Variants in SEMA3G observed in about 807,000 individuals in gnomAD.
SEMA3G encodes the protein semaphorin 3G, also known as semaphorin-3G.
Under a neutral mutation model 86.2 loss-of-function variants are expected in SEMA3G, and 70 were observed. The observed-to-expected ratio is 0.81, with a 90% CI of 0.67 to 0.99. The LOEUF (loss-of-function observed/expected upper bound fraction) is 0.99, where lower values mean the gene tolerates loss of function less well. SEMA3G is among the 50% of genes least tolerant of loss of function. The pLI is 0.00. For synonymous variants in SEMA3G, 416 were observed against 441.4 expected (o/e 0.94, Z 0.72); for missense variants, 1,002 against 1,072.4 (o/e 0.93, Z 0.92).
rs1578254087 is a variant in SEMA3G at position 52,435,578 on chromosome 3, C to G, written c.*25G>C. On this transcript the variant is annotated 3_prime_UTR_variant, in exon 16 of 16. Coordinates refer to ENST00000231721, the MANE Select transcript of SEMA3G (RefSeq NM_020163.3). Reference sequence around the variant, plus strand: ...CTGCTAGTGGGCCCCCCAGCCCATCCTGACCACCCCTCCTCTGCCCCCTTC... The same window carrying G: ...CTGCTAGTGGGCCCCCCAGCCCATCGTGACCACCCCTCCTCTGCCCCCTTC... 2 of 1,590,080 alleles carry G rather than the reference C, an allele frequency of 1.3e-6. No individual in the cohort carries two copies. Among genetic ancestry groups the G allele is most frequent in the East Asian group, 4.5e-5 (2 of 44,568 alleles).
Position 52,440,810 on chromosome 3 carries a change from C to G in SEMA3G, c.942G>C (p.Leu314=). 6.2e-7 allele frequency: 1 copy of G among 1,612,832 alleles called. No individual in the cohort carries two copies. The highest frequency in any genetic ancestry group is 8.5e-7 in the Non-Finnish European group (1 of 1,179,978). The change falls in exon 9 of 16, where the codon CTG becomes CTC. Residue 314 remains leucine (L), a synonymous_variant. Coordinates refer to ENST00000231721, the MANE Select transcript of SEMA3G (RefSeq NM_020163.3). ...THFDQLEDVF[L]LWPKAGKSLE... is the part of the protein sequence containing the mutation. ...GGCTCTTCCCGGCCTTGGGCCACAG[C>G]AGGAACACATCCTCTGGGGTAGAGA...
intron 10 of SEMA3G, 105 bp downstream of exon 10, chr3:52,440,272 G>T: frequency 1.3e-6 from 1 of 767,352 alleles, no homozygotes; most frequent in Non-Finnish European, 1.8e-6. Flanking sequence ...CTTGGCCAAC[G>T]TCCGCTGCCG....
rs889738233 is a variant in SEMA3G, at chr3:52,434,549, C to T, written c.*1054G>A. The T allele has an allele frequency of 3.3e-5, 5 of 152,214 alleles. No homozygotes were observed. The highest frequency in any genetic ancestry group is 1.2e-4 in the African/African-American group (5 of 41,426). The allele number at this position is 152,214 out of a possible 1,614,324, so 9.4% of individuals were successfully genotyped here. ...TTCCTGCCTGGGTCCCACAATCTAT[C>T]CTAAGGGTCTCCTGCCCTCTATCCA... On this transcript the variant is annotated 3_prime_UTR_variant, in exon 16 of 16. Coordinates refer to ENST00000231721, the MANE Select transcript of SEMA3G (RefSeq NM_020163.3). This position sits in a 1 kb window ranked among gnomAD's most constrained non-coding sequence, Gnocchi z 5.2.
chr3:52,436,307 T>G (rs549046685), intron 15 of SEMA3G, among the ~76,000 whole-genome samples: 3 of 152,250 alleles, frequency 2.0e-5, no homozygotes, highest in African/African-American at 7.2e-5. Context: ...TCTCAAGGAT[T>G]TGACTGGCTG....
At chr3:52,439,630 A>T (rs750455168) in intron 12 of SEMA3G, 50 bp downstream of exon 12, 1 of 1,497,822 alleles carries the variant, frequency 6.7e-7, no homozygotes, top group Non-Finnish European at 9.3e-7. Flanking sequence ...AGCCAGGCTC[A>T]GACCCAGAGA....
chr3:52,442,334 G>T lies in SEMA3G; in HGVS notation c.340-30C>A, dbSNP rs776035575. The T allele has an allele frequency of 6.2e-7, 1 of 1,607,946 alleles. No individual in the cohort carries two copies. Among genetic ancestry groups the T allele is most frequent in the Non-Finnish European group, 8.5e-7 (1 of 1,176,788 alleles). On this transcript the variant is annotated intron_variant, in intron 3 of 15. Transcript: ENST00000231721. The surrounding 1 kb of genome is among the most constrained non-coding windows in gnomAD (Gnocchi z 6.1). ...GGGGAGAAGGAGGGGGTGGTTGAGG[G>T]GTGAGAGGGGGTGCCCACCATCTCC...
At chr3:52,438,986 G>A (rs776193499) in intron 12 of SEMA3G, 25 bp from the exon 13 acceptor site, 1 of 1,610,930 alleles carries the variant, frequency 6.2e-7, no homozygotes, top group Non-Finnish European at 8.5e-7. Flanking sequence ...GGGTCTCAGT[G>A]TGGGTCGGGT....
At chr3:52,440,865 A>G in intron 8 of SEMA3G, 42 bp from the exon 9 acceptor site, 1 of 1,602,480 alleles carries the variant, frequency 6.2e-7, no homozygotes, top group Non-Finnish European at 8.5e-7. Flanking sequence ...GCCACCGCCA[A>G]TGCCCTGACT....
intron 14 of SEMA3G, 28 bp downstream of exon 14, chr3:52,437,943 C>G: frequency 6.3e-7 from 1 of 1,594,732 alleles, no homozygotes; most frequent in Non-Finnish European, 8.6e-7. Context: ...CCAGCCCAGT[C>G]TGGGCCCTCC....
rs1706118691 is a variant in SEMA3G, at chr3:52,440,079, G to A, written c.1163C>T (p.Ala388Val). ...GCTGCCAAAAGGCCGTCCTGGCTGT[G>A]CGGTCATCTTGCTGGGGCACTGTGG... ...RPGVCPSKMT[A>V]QPGRPFGSTK... The change falls in exon 11 of 16, where the codon GCA becomes GTA. Residue 388 changes from alanine to valine, a missense_variant. By Grantham distance (64) the Ala-to-Val change is moderately conservative. Transcript: ENST00000231721. 6.3e-7 allele frequency: 1 copy of A among 1,587,076 alleles called. No individual in the cohort carries two copies. Among genetic ancestry groups the A allele is most frequent in the Non-Finnish European group, 8.6e-7 (1 of 1,162,182 alleles).
In SEMA3G at chr3:52,444,926, C is replaced by T. The variant is rs1289509891; in HGVS notation, c.102G>A (p.Arg34=). 2 of 1,304,060 alleles carry T rather than the reference C, an allele frequency of 1.5e-6. No individual in the cohort carries two copies. Among genetic ancestry groups the T allele is most frequent in the East Asian group, 3.1e-5 (1 of 32,028 alleles). 80.8% of individuals were successfully genotyped at this position (1,304,060 alleles called of 1,614,324 possible). The part of the protein sequence containing the change: ...PSPGPSVPRL[R]LSYRDLLSAN... ...AGGGGCTGGTACCTCGGTAGGAGAGCCGCAGGCGGGGCACACTGGGGCCGG... is the reference window on the plus strand; with the variant it reads ...AGGGGCTGGTACCTCGGTAGGAGAGTCGCAGGCGGGGCACACTGGGGCCGG... Residue 34 remains arginine (R), a synonymous_variant, in exon 1 of 16, where the codon CGG becomes CGA. Transcript: ENST00000231721.
In SEMA3G at chr3:52,440,737, G is replaced by T. The variant is rs568454276; in HGVS notation, c.998+17C>A. 3 of 1,607,744 alleles carry T rather than the reference G, an allele frequency of 1.9e-6. No individual in the cohort carries two copies. The East Asian group carries it at 6.7e-5, about 36-fold the overall frequency. On this transcript the variant is annotated intron_variant, in intron 9 of 15. Transcript: ENST00000231721. Reference sequence around the variant, plus strand: ...GACAGGGGCCCATCGCAAGGCCGGGGTGCTGGGTGTGCCCACCTGACGGTG... The same window carrying T: ...GACAGGGGCCCATCGCAAGGCCGGGTTGCTGGGTGTGCCCACCTGACGGTG...
chr3:52,442,485 G>C lies in SEMA3G; in HGVS notation c.339+74C>G, dbSNP rs1312373734. On this transcript the variant is annotated intron_variant, in intron 3 of 15. Coordinates refer to ENST00000231721, the MANE Select transcript of SEMA3G (RefSeq NM_020163.3). This position sits in a 1 kb window ranked among gnomAD's most constrained non-coding sequence, Gnocchi z 6.1. ...AATGCCCCTGGTAGAGGTACCTGGGGCGTGGTCACGGATTGTCCTGGGGGT... is the reference window on the plus strand; with the variant it reads ...AATGCCCCTGGTAGAGGTACCTGGGCCGTGGTCACGGATTGTCCTGGGGGT... 1 of 1,544,044 alleles carries C rather than the reference G, an allele frequency of 6.5e-7. No individual in the cohort carries two copies. Among genetic ancestry groups the C allele is most frequent in the Non-Finnish European group, 8.9e-7 (1 of 1,117,640 alleles).
Position 52,444,927 on chromosome 3 carries a change from C to A in SEMA3G, c.101G>T (p.Arg34Leu). The change falls in exon 1 of 16, where the codon CGG (arginine) becomes CTG (leucine). Residue 34 changes from arginine (R) to leucine (L), a missense_variant. Coordinates refer to ENST00000231721, the MANE Select transcript of SEMA3G (RefSeq NM_020163.3). ...GGGGCTGGTACCTCGGTAGGAGAGCCGCAGGCGGGGCACACTGGGGCCGGG... is the reference window on the plus strand; with the variant it reads ...GGGGCTGGTACCTCGGTAGGAGAGCAGCAGGCGGGGCACACTGGGGCCGGG... ...PSPGPSVPRLRLSYRDLLSAN... is the reference protein window; with the variant it reads ...PSPGPSVPRLLLSYRDLLSAN... 1 of 1,302,908 alleles carries A rather than the reference C, an allele frequency of 7.7e-7. No individual in the cohort carries two copies. The highest frequency in any genetic ancestry group is 9.8e-7 in the Non-Finnish European group (1 of 1,020,420). The allele number at this position is 1,302,908 out of a possible 1,614,324, so 80.7% of individuals were successfully genotyped here. A position where few individuals can be genotyped will look rare whatever the true frequency, so the allele number is the denominator to read the frequency against.
At chr3:52,436,202 C>T in intron 15 of SEMA3G, 129 bp from the exon 16 acceptor site, 1 of 1,434,002 alleles carries the variant, frequency 7.0e-7, no homozygotes. Flanking sequence ...CTCCCCTTCC[C>T]AGGAGGGGAC....
Position 52,442,381 on chromosome 3 carries a change from TGTCTGGCG to T in SEMA3G, c.340-85_340-78del. The T allele has an allele frequency of 1.1e-6, 1 of 911,518 alleles. No homozygotes were observed. The highest frequency in any genetic ancestry group is 1.6e-6 in the Non-Finnish European group (1 of 626,732). The allele number at this position is 911,518 out of a possible 1,614,324, so 56.5% of individuals were successfully genotyped here. A position where few individuals can be genotyped will look rare whatever the true frequency, so the allele number is the denominator to read the frequency against. On this transcript the variant is annotated intron_variant, in intron 3 of 15. Coordinates refer to ENST00000231721, the MANE Select transcript of SEMA3G (RefSeq NM_020163.3). The surrounding 1 kb of genome is among the most constrained non-coding windows in gnomAD (Gnocchi z 6.1). ...CTCCTTGGGGCCCAAGGCTCAGCCC[TGTCTGGCG>T]GTCAGCTCTGGGGAGGGGGGTGGGT... is the stretch of plus-strand genomic sequence containing the variant.
intron 1 of SEMA3G, among the ~76,000 whole-genome samples, chr3:52,443,298 G>A (rs1706196560): frequency 6.6e-6 from 1 of 152,224 alleles, no homozygotes; most frequent in African/African-American, 2.4e-5. Context: ...CAGGCCGCCT[G>A]GCTCAGCTGG....
At chr3:52,443,746 G>T (rs2153229746) in intron 1 of SEMA3G, among the ~76,000 whole-genome samples, 1 of 152,294 alleles carries the variant, frequency 6.6e-6, no homozygotes, top group Non-Finnish European at 1.5e-5. Flanking sequence ...CCCTATTTGG[G>T]GCTTTTTCTA....
At position 52,442,192 on chromosome 3, in the gene SEMA3G, C is replaced by A. The variant is rs773639439; in HGVS notation, c.452G>T (p.Arg151Leu). 1.2e-6 allele frequency: 2 copies of A among 1,613,212 alleles called. No homozygotes were observed. Among genetic ancestry groups the A allele is most frequent in the Non-Finnish European group, 1.7e-6 (2 of 1,179,594 alleles). ...PTCALITVGH[R>L]GEHVLHLEPG... ...GGCCTGGCCCAGGCTCACCTCCCCACGGTGGCCAACTGTGATGAGGGCACA... is the reference window on the plus strand; with the variant it reads ...GGCCTGGCCCAGGCTCACCTCCCCAAGGTGGCCAACTGTGATGAGGGCACA... Residue 151 changes from arginine to leucine, a missense_variant, in exon 4 of 16, where the codon CGT (arginine) becomes CTT (leucine). Transcript: ENST00000231721. This position sits in a 1 kb window ranked among gnomAD's most constrained non-coding sequence, Gnocchi z 6.1.
Sources: gnomAD v4.1 joint callset for allele counts (sites outside exome capture counted in the v4.1 genomes callset) on GRCh38, gnomAD v4.1.1 for gene constraint, Gnocchi (gnomAD v3.1) non-coding constraint, MANE v1.5 for transcripts, NCBI Gene and HGNC (gene_info 2026-07-23, HGNC 2026-07-21) for gene names.